PDLIM3: variants seen among roughly 807,000 people sequenced by gnomAD.
The protein encoded by PDLIM3 is PDZ and LIM domain protein 3.
PDLIM3 carries 36 observed loss-of-function variants against 37.3 expected under a neutral mutation model. The observed-to-expected ratio is 0.97, with a 90% CI of 0.74 to 1.28. The LOEUF (loss-of-function observed/expected upper bound fraction) is 1.28. PDLIM3 is among the 50% of genes most tolerant of loss of function. The pLI is 0.00. For synonymous variants in PDLIM3, 174 were observed against 182.4 expected, an observed-to-expected ratio of 0.95 and a Z score of 0.37; for missense variants, 454 against 485.0, an observed-to-expected ratio of 0.94 and a Z score of 0.60.
rs190305755 is a variant in PDLIM3 at position 185,524,472 on chromosome 4, G to T, written c.245+548C>A. On this transcript the variant is annotated intron_variant, in intron 2 of 7. Coordinates refer to ENST00000284767, the MANE Select transcript of PDLIM3 (RefSeq NM_014476.6). ...TCAGGCTCAATTTCTTAGTGTTTTTGGGGGGTGGGGTCAGAAACATCTCAG... is the reference window on the plus strand; with the variant it reads ...TCAGGCTCAATTTCTTAGTGTTTTTTGGGGGTGGGGTCAGAAACATCTCAG... 6.0e-4 allele frequency among the ~76,000 whole-genome samples: 91 copies of T among 152,304 alleles called. No homozygotes were observed. The East Asian group carries it at 0.016, about 27-fold the overall frequency.
chr4:185,508,111 G>T lies in PDLIM3; in HGVS notation c.662+188C>A, dbSNP rs1268602875. Among the ~76,000 whole-genome samples the T allele has an allele frequency of 2.0e-5, 3 of 152,032 alleles. 1 individual carries two copies. Among genetic ancestry groups the T allele is most frequent in the Middle Eastern group, 6.3e-3 (2 of 316 alleles). ...CCTAGATATTTGCAATAAATCCTTA[G>T]TATTTTAAAAAAGCTTTTCACATAG... On this transcript the variant is annotated intron_variant, in intron 5 of 7. Transcript: ENST00000284767.
intron 4 of PDLIM3, chr4:185,513,933 G>A: frequency 8.3e-7 from 1 of 1,211,818 alleles, no homozygotes; most frequent in Non-Finnish European, 1.0e-6. Flanking sequence ...CCTGCTGGCA[G>A]GGCTTTCCTG....
At chr4:185,532,444 T>C (rs912047801) in intron 1 of PDLIM3, among the ~76,000 whole-genome samples, 1 of 152,066 alleles carries the variant, frequency 6.6e-6, no homozygotes, top group East Asian at 1.9e-4. Context: ...GATGAGATGG[T>C]TGTTACTGAA....
intron 1 of PDLIM3, among the ~76,000 whole-genome samples, chr4:185,527,788 G>A (rs550160810): frequency 1.3e-5 from 2 of 152,342 alleles, no homozygotes; most frequent in African/African-American, 2.4e-5. Flanking sequence ...GATGCCTCAT[G>A]CCTGTAATCC....
chr4:185,508,456 T>C lies in PDLIM3; in HGVS notation c.505A>G (p.Lys169Glu). The change falls in exon 5 of 8, where the codon AAG becomes GAG. Residue 169 changes from lysine to glutamate, a missense_variant. Transcript: ENST00000284767. The stretch of plus-strand genomic sequence containing the variant: ...TCCAAAGGAATGTTAGGGGCCAGCT[T>C]AGCCGCAACTTTCAAGTCACCTGGG... Reference protein sequence around the residue: ...ICPGDLKVAAKLAPNIPLEME... With the variant: ...ICPGDLKVAAELAPNIPLEME... The C allele has an allele frequency of 6.2e-7, 1 of 1,614,212 alleles. No homozygotes were observed. The highest frequency in any genetic ancestry group is 1.1e-5 in the South Asian group (1 of 91,086).
In PDLIM3 at chr4:185,525,016, GC is replaced by G; in HGVS notation, c.245+3del. The G allele has an allele frequency of 6.2e-7, 1 of 1,613,880 alleles. No individual in the cohort carries two copies. Among genetic ancestry groups the G allele is most frequent in the East Asian group, 2.2e-5 (1 of 44,874 alleles). On this transcript the variant is annotated splice_donor_region_variant and intron_variant, in intron 2 of 7. Transcript: ENST00000284767. ...AGATTTAAGCACCATTAGTTAAGAA[GC>G]ACCTGTCAATTTTGAGACACAGCTG...
chr4:185,524,536 G>A (rs548062268), intron 2 of PDLIM3, among the ~76,000 whole-genome samples: 4 of 152,306 alleles, frequency 2.6e-5, no homozygotes, highest in African/African-American at 9.6e-5. Flanking sequence ...TCTCACACCT[G>A]TAACATTCTT....
rs1449714463 is a variant in PDLIM3 at position 185,514,975 on chromosome 4, A to G, written c.331-638T>C. 1.3e-5 allele frequency: 14 copies of G among 1,065,722 alleles called. No homozygotes were observed. The highest frequency in any genetic ancestry group is 1.9e-5 in the Non-Finnish European group (14 of 754,374). The allele number at this position is 1,065,722 out of a possible 1,614,324, so 66.0% of individuals were successfully genotyped here. ...GAAACCAACAGCATCACTACTGTTAATAAAGGCATCTTTACCCACGACGAG... is the reference window on the plus strand; with the variant it reads ...GAAACCAACAGCATCACTACTGTTAGTAAAGGCATCTTTACCCACGACGAG... On this transcript the variant is annotated intron_variant, in intron 3 of 7. Coordinates refer to ENST00000284767, the MANE Select transcript of PDLIM3 (RefSeq NM_014476.6). The surrounding 1 kb of genome is among the most constrained non-coding windows in gnomAD (Gnocchi z 4.0).
intron 1 of PDLIM3, among the ~76,000 whole-genome samples, chr4:185,529,987 A>G (rs964014206): frequency 3.3e-5 from 5 of 152,042 alleles, no homozygotes; most frequent in African/African-American, 4.8e-5. Context: ...GGAATTCTGG[A>G]TAGGTTGTGT....
intron 7 of PDLIM3, 76 bp from the exon 8 acceptor site, chr4:185,502,559 A>G: frequency 1.5e-6 from 2 of 1,345,574 alleles, no homozygotes; most frequent in Non-Finnish European, 2.1e-6. Context: ...AACCCAACAG[A>G]GAAGGCAGAT....
chr4:185,520,187 T>C (rs548578329), intron 3 of PDLIM3, among the ~76,000 whole-genome samples: 1 of 152,210 alleles, frequency 6.6e-6, no homozygotes, highest in Non-Finnish European at 1.5e-5. Context: ...GTTATTTTTG[T>C]GTAGGGAATG....
chr4:185,508,231 C>A, intron 5 of PDLIM3, 68 bp downstream of exon 5: 2 of 1,432,344 alleles, frequency 1.4e-6, no homozygotes, highest in South Asian at 1.1e-5. Flanking sequence ...TGTTAAAAGA[C>A]ACCAGTAAAG....
At chr4:185,520,098 CTGTT>C (rs1475197736) in intron 3 of PDLIM3, among the ~76,000 whole-genome samples, 17 of 152,346 alleles carry the variant, frequency 1.1e-4, no homozygotes, top group East Asian at 1.9e-4. Context: ...GTGAAACTCA[CTGTT>C]TGACTTTTAT....
Position 185,514,500 on chromosome 4 carries a change from T to C in PDLIM3, c.331-163A>G. 6.9e-7 allele frequency: 1 copy of C among 1,447,124 alleles called. No homozygotes were observed. The highest frequency in any genetic ancestry group is 9.5e-7 in the Non-Finnish European group (1 of 1,054,258). The allele number at this position is 1,447,124 out of a possible 1,614,324, so 89.6% of individuals were successfully genotyped here. A position where few individuals can be genotyped will look rare whatever the true frequency, so the allele number is the denominator to read the frequency against. ...CAGGACGATGTCTTCTTTCCAACCA[T>C]CTATCCGCTAAACGGTCAGGCACTG... On this transcript the variant is annotated intron_variant, in intron 3 of 7. Coordinates refer to ENST00000284767, the MANE Select transcript of PDLIM3 (RefSeq NM_014476.6). This position sits in a 1 kb window ranked among gnomAD's most constrained non-coding sequence, Gnocchi z 4.0.
chr4:185,515,131 ATAATT>A, intron 3 of PDLIM3: 1 of 311,946 alleles, frequency 3.2e-6, no homozygotes, highest in African/African-American at 2.1e-5. Flanking sequence ...ATATTATAAA[ATAATT>A]TAAACATTGC....
chr4:185,529,909 C>T (rs1334382919), intron 1 of PDLIM3, among the ~76,000 whole-genome samples: 1 of 152,208 alleles, frequency 6.6e-6, no homozygotes, highest in Admixed American at 6.5e-5. Context: ...TCTATCATCT[C>T]GCATTGCCTC....
In PDLIM3 at chr4:185,516,916, CACTTA is replaced by C. The variant is rs1323477413; in HGVS notation, c.331-2584_331-2580del. ...TGATTGAGTTCGCTGATACCTTGTT[CACTTA>C]ACTTTTTTCCTTCATAATAATGGCT... On this transcript the variant is annotated intron_variant, in intron 3 of 7. Transcript: ENST00000284767. 3.3e-5 allele frequency: 5 copies of C among 152,216 alleles called. 1 individual carries two copies. In the South Asian group the frequency reaches 6.2e-4, roughly 19 times the overall value. 9.4% of individuals were successfully genotyped at this position (152,216 alleles called of 1,614,324 possible).
intron 1 of PDLIM3, among the ~76,000 whole-genome samples, chr4:185,529,677 T>C (rs189729425): frequency 3.3e-4 from 50 of 152,362 alleles, no homozygotes; most frequent in African/African-American, 1.2e-3. Flanking sequence ...AGAAGTCACA[T>C]GGGCGGCTTT....
chr4:185,523,055 C>CG (rs2095725191), intron 3 of PDLIM3: 1 of 311,314 alleles, frequency 3.2e-6, no homozygotes, highest in African/African-American at 2.2e-5. Context: ...CTTAGATTAC[C>CG]TCACGGTCAT....
Sources: allele counts gnomAD v4.1 joint callset (sites outside exome capture counted in the v4.1 genomes callset), GRCh38; gene constraint gnomAD v4.1.1; non-coding constraint Gnocchi (gnomAD v3.1); transcripts MANE v1.5; gene names NCBI Gene and HGNC (gene_info 2026-07-23, HGNC 2026-07-21).